Variants in SOAT1 observed in about 807,000 individuals in gnomAD.
SOAT1 encodes the protein acyl-coenzyme A:cholesterol acyltransferase 1.
Under a neutral mutation model 69.5 loss-of-function variants are expected in SOAT1, and 55 were observed. That is an observed-to-expected ratio of 0.79 (90% CI 0.64 to 0.99). The LOEUF (loss-of-function observed/expected upper bound fraction) is 0.99, where lower values mean the gene tolerates loss of function less well. Among genes scored for constraint, SOAT1 ranks in the 50% least tolerant of loss-of-function variants. SOAT1 has a pLI of 0.00. For synonymous variants in SOAT1, 231 were observed against 224.7 expected, an observed-to-expected ratio of 1.03 and a Z score of -0.25; for missense variants, 580 against 669.3, an observed-to-expected ratio of 0.87 and a Z score of 1.47.
chr1:179,343,096 G>A (rs1224635910), intron 9 of SOAT1, among the ~76,000 whole-genome samples, 153 bp downstream of exon 9: 2 of 130,370 alleles, frequency 1.5e-5, no homozygotes, highest in Non-Finnish European at 1.7e-5. Flanking sequence ...CAAATGGTGA[G>A]TAGGGAAGTC....
In SOAT1 at chr1:179,353,754, C is replaced by A; in HGVS notation, c.*113C>A. ...TCTGTGTTATTTGGACCACTCCAGG[C>A]TTTACAGATGACTCACTCCATTCCT... On this transcript the variant is annotated 3_prime_UTR_variant, in exon 16 of 16. Coordinates refer to ENST00000367619, the MANE Select transcript of SOAT1 (RefSeq NM_003101.6). 2 of 881,390 alleles carry A rather than the reference C, an allele frequency of 2.3e-6. No homozygotes were observed. The highest frequency in any genetic ancestry group is 1.8e-6 in the Non-Finnish European group (1 of 545,294). 54.6% of individuals were successfully genotyped at this position (881,390 alleles called of 1,614,324 possible).
At chr1:179,351,283 A>C (rs1420248472) in intron 14 of SOAT1, 34 bp from the exon 15 acceptor site, 1 of 1,604,516 alleles carries the variant, frequency 6.2e-7, no homozygotes, top group South Asian at 1.1e-5. Flanking sequence ...ACCTCTGATA[A>C]CTGTATATTT....
intron 12 of SOAT1, 80 bp from the exon 13 acceptor site, chr1:179,348,760 ATGTG>A (rs71111912): frequency 0.026 from 15,203 of 587,158 alleles, 351 homozygotes; most frequent in Middle Eastern, 0.037. Context: ...TTCGGGTGGG[ATGTG>A]TGTGTGTGTG....
At chr1:179,349,620 C>T (rs911904920) in intron 13 of SOAT1, among the ~76,000 whole-genome samples, 2 of 152,156 alleles carry the variant, frequency 1.3e-5, no homozygotes, top group African/African-American at 2.4e-5. Flanking sequence ...AGCCACCGTG[C>T]CCGGGTGAGA....
intron 2 of SOAT1, among the ~76,000 whole-genome samples, chr1:179,317,872 T>C (rs1665451691): frequency 6.6e-6 from 1 of 152,134 alleles, no homozygotes; most frequent in African/African-American, 2.4e-5. Flanking sequence ...TTGTGAATAA[T>C]GGCAGATGGC....
intron 11 of SOAT1, among the ~76,000 whole-genome samples, chr1:179,346,811 G>A (rs1035069171): frequency 3.3e-5 from 5 of 152,182 alleles, no homozygotes; most frequent in Non-Finnish European, 4.4e-5. Flanking sequence ...AGCTTGCACC[G>A]GTAGTCCCAG....
intron 1 of SOAT1, among the ~76,000 whole-genome samples, chr1:179,295,337 A>C (rs1249537338): frequency 6.6e-6 from 1 of 152,166 alleles, no homozygotes; most frequent in East Asian, 1.9e-4. Context: ...ATATCAGCCC[A>C]CATATCACTT....
At chr1:179,344,433 G>A (rs544204251) in intron 10 of SOAT1, among the ~76,000 whole-genome samples, 45 of 135,014 alleles carry the variant, frequency 3.3e-4, no homozygotes, top group African/African-American at 1.2e-3. Flanking sequence ...GGAGTGCAGT[G>A]ATGCAGTCTT....
chr1:179,303,098 T>A (rs1162350740), intron 2 of SOAT1, among the ~76,000 whole-genome samples: 2 of 152,190 alleles, frequency 1.3e-5, no homozygotes, highest in South Asian at 2.1e-4. Flanking sequence ...TACGGATTTG[T>A]TTGCCATTAT....
At chr1:179,347,456 A>G in intron 11 of SOAT1, 144 bp from the exon 12 acceptor site, 1 of 549,710 alleles carries the variant, frequency 1.8e-6, no homozygotes, top group South Asian at 2.4e-5. Context: ...CTCCAAAAGT[A>G]TATCATCTCT....
intron 3 of SOAT1, among the ~76,000 whole-genome samples, 155 bp from the exon 4 acceptor site, chr1:179,335,351 G>A (rs2124982677): frequency 6.6e-6 from 1 of 152,318 alleles, no homozygotes; most frequent in Middle Eastern, 3.4e-3. Flanking sequence ...GAAACTTCAA[G>A]TCAGATACAG....
At chr1:179,327,471 A>G (rs1019980717) in intron 3 of SOAT1, among the ~76,000 whole-genome samples, 2 of 152,120 alleles carry the variant, frequency 1.3e-5, no homozygotes, top group Admixed American at 6.5e-5. Context: ...ACTGCTTGTT[A>G]TTGTATAGGT....
At chr1:179,298,508 C>G (rs372421468) in intron 1 of SOAT1, among the ~76,000 whole-genome samples, 2 of 151,888 alleles carry the variant, frequency 1.3e-5, no homozygotes, top group African/African-American at 4.8e-5. Context: ...ACTCTGTTGT[C>G]TGGGCTGGAG....
chr1:179,344,905 T>C (rs775152003), intron 10 of SOAT1, 42 bp from the exon 11 acceptor site: 3 of 1,609,880 alleles, frequency 1.9e-6, no homozygotes, highest in Admixed American at 1.7e-5. Flanking sequence ...TTCCATCTTA[T>C]TAAGCCATCG....
intron 12 of SOAT1, among the ~76,000 whole-genome samples, chr1:179,348,637 A>G (rs1008133090): frequency 6.6e-6 from 1 of 152,184 alleles, no homozygotes. Flanking sequence ...AACACTAATA[A>G]CCAAAATGCC....
At chr1:179,340,834 TA>T (rs1666308985) in intron 6 of SOAT1, among the ~76,000 whole-genome samples, 193 bp from the exon 7 acceptor site, 1 of 151,484 alleles carries the variant, frequency 6.6e-6, no homozygotes, top group Non-Finnish European at 1.5e-5. Flanking sequence ...TATATATATA[TA>T]TATATATTGT....
At chr1:179,326,631 C>T (rs941294592) in intron 3 of SOAT1, among the ~76,000 whole-genome samples, 1 of 144,012 alleles carries the variant, frequency 6.9e-6, no homozygotes, top group African/African-American at 2.6e-5. Flanking sequence ...GATCTCTGAT[C>T]ACTGCAACCT....
intron 2 of SOAT1, among the ~76,000 whole-genome samples, chr1:179,319,991 T>A (rs531423093): frequency 8.0e-5 from 12 of 149,216 alleles, no homozygotes; most frequent in Non-Finnish European, 1.5e-4. Flanking sequence ...GATTTGCAAA[T>A]TTTTTTTTTT....
intron 9 of SOAT1, among the ~76,000 whole-genome samples, chr1:179,343,303 CA>C (rs1415127175): frequency 6.6e-6 from 1 of 152,060 alleles, no homozygotes; most frequent in East Asian, 1.9e-4. Context: ...CGGCTCCCTG[CA>C]ACCTCTGCCT....
Sources: allele counts gnomAD v4.1 joint callset (sites outside exome capture counted in the v4.1 genomes callset), GRCh38; gene constraint gnomAD v4.1.1; transcripts MANE v1.5; gene names NCBI Gene and HGNC (gene_info 2026-07-23, HGNC 2026-07-21).